NCKAP5: variants seen among roughly 807,000 people sequenced by gnomAD.
The protein encoded by NCKAP5 is NCK associated protein 5.
Under a neutral mutation model 167.0 loss-of-function variants are expected in NCKAP5, and 92 were observed. The observed-to-expected ratio is 0.55, with a 90% CI of 0.47 to 0.66. The LOEUF is 0.66. Among genes scored for constraint, NCKAP5 ranks in the 30% least tolerant of loss-of-function variants. NCKAP5 has a pLI of 0.00. For missense variants in NCKAP5, 2,378 were observed against 2,315.0 expected (o/e 1.03, Z -0.56); for synonymous variants, 891 against 877.4 (o/e 1.02, Z -0.27).
chr2:133,222,127 C>G (rs2150208746), intron 4 of NCKAP5, among the ~76,000 whole-genome samples: 1 of 152,172 alleles, frequency 6.6e-6, no homozygotes, highest in South Asian at 2.1e-4. Flanking sequence ...AAAAGTTAAT[C>G]AAACTTTTTG....
chr2:132,949,177 T>C (rs573848154), intron 8 of NCKAP5, among the ~76,000 whole-genome samples: 1 of 147,024 alleles, frequency 6.8e-6, no homozygotes, highest in East Asian at 2.1e-4. Context: ...TCCAGAAGCC[T>C]AGGAATAAAA....
At chr2:132,844,012 G>A (rs79959559) in intron 11 of NCKAP5, among the ~76,000 whole-genome samples, 4,320 of 151,740 alleles carry the variant, frequency 0.028, 194 homozygotes, top group African/African-American at 0.1. Flanking sequence ...TCCCCTTCCA[G>A]AAATCTCTGG....
chr2:133,409,951 G>C (rs1196604468), intron 3 of NCKAP5, among the ~76,000 whole-genome samples: 1 of 152,128 alleles, frequency 6.6e-6, no homozygotes, highest in African/African-American at 2.4e-5. Context: ...TGTCCTAACA[G>C]AACTAATGAC....
chr2:133,607,788 C>G, the NCKAP5 span, among the ~76,000 whole-genome samples: 1 of 152,156 alleles, frequency 6.6e-6, no homozygotes, highest in African/African-American at 2.4e-5. Flanking sequence ...AAGTATGATT[C>G]AAACCCTGCC....
At chr2:133,398,173 C>T (rs1342639906) in intron 3 of NCKAP5, among the ~76,000 whole-genome samples, 1 of 151,992 alleles carries the variant, frequency 6.6e-6, no homozygotes, top group Non-Finnish European at 1.5e-5. Context: ...GTCTTCTTCA[C>T]TCATATCACA....
intron 5 of NCKAP5, among the ~76,000 whole-genome samples, chr2:133,188,974 C>CA (rs2085080901): frequency 6.6e-6 from 1 of 151,782 alleles, no homozygotes. Context: ...AAAAACTCTT[C>CA]AAAAAATCAA....
chr2:133,489,676 G>A (rs533781474), intron 3 of NCKAP5, among the ~76,000 whole-genome samples: 9 of 152,206 alleles, frequency 5.9e-5, no homozygotes, highest in South Asian at 2.1e-4. Context: ...CTAAATCTTC[G>A]TGCAATAAAA....
At chr2:133,525,310 A>G (rs934688857) in intron 2 of NCKAP5, among the ~76,000 whole-genome samples, 2 of 152,224 alleles carry the variant, frequency 1.3e-5, no homozygotes, top group African/African-American at 4.8e-5. Context: ...TCCTACATTC[A>G]TGCTCACTAA....
intron 2 of NCKAP5, among the ~76,000 whole-genome samples, chr2:133,548,709 A>G (rs1233439757): frequency 6.6e-6 from 1 of 152,174 alleles, no homozygotes; most frequent in East Asian, 1.9e-4. Flanking sequence ...GGCCTGCCCT[A>G]AAAGAGCTCC....
At chr2:132,753,711 G>T (rs1680300721) in intron 16 of NCKAP5, among the ~76,000 whole-genome samples, 1 of 152,206 alleles carries the variant, frequency 6.6e-6, no homozygotes, top group Non-Finnish European at 1.5e-5. Context: ...TTCAAGGGGG[G>T]ACTTCAGCAG....
At chr2:133,547,603 C>G (rs1022107991) in intron 2 of NCKAP5, among the ~76,000 whole-genome samples, 36 of 151,578 alleles carry the variant, frequency 2.4e-4, no homozygotes, top group African/African-American at 7.7e-4. Flanking sequence ...GGGAGGCACC[C>G]CCCAGCAGGG....
At chr2:133,652,032 T>C in the NCKAP5 span, among the ~76,000 whole-genome samples, 2 of 152,264 alleles carry the variant, frequency 1.3e-5, no homozygotes, top group South Asian at 2.1e-4. Flanking sequence ...TGGGAGAGCA[T>C]GGCCTGAAGG....
chr2:133,494,749 T>C (rs543527767), intron 3 of NCKAP5, among the ~76,000 whole-genome samples: 2 of 152,294 alleles, frequency 1.3e-5, no homozygotes, highest in East Asian at 1.9e-4. Context: ...CCAGCCTAGC[T>C]CTGGTATAGC....
At chr2:132,718,261 T>C (rs765441248) in intron 19 of NCKAP5, among the ~76,000 whole-genome samples, 1 of 152,218 alleles carries the variant, frequency 6.6e-6, no homozygotes, top group African/African-American at 2.4e-5. Context: ...TCTTTCCCAA[T>C]CTTCTATCCT....
At chr2:132,680,543 AG>A (rs1245341240) in intron 19 of NCKAP5, among the ~76,000 whole-genome samples, 1 of 152,182 alleles carries the variant, frequency 6.6e-6, no homozygotes, top group Non-Finnish European at 1.5e-5. Context: ...TGGGAAGCTT[AG>A]GGTTGTTAGA....
the NCKAP5 span, among the ~76,000 whole-genome samples, chr2:133,606,250 T>C: frequency 0.023 from 3,522 of 152,284 alleles, 135 homozygotes; most frequent in African/African-American, 0.081. Context: ...AAATATCCCA[T>C]ATTATAATAT....
At chr2:133,476,482 G>T in intron 3 of NCKAP5, among the ~76,000 whole-genome samples, 1 of 152,194 alleles carries the variant, frequency 6.6e-6, no homozygotes, top group East Asian at 1.9e-4. Flanking sequence ...TCTGCTGACA[G>T]CATTCTTCAG....
chr2:133,130,779 C>G (rs917913508), intron 5 of NCKAP5, among the ~76,000 whole-genome samples: 1 of 152,206 alleles, frequency 6.6e-6, no homozygotes, highest in Non-Finnish European at 1.5e-5. Flanking sequence ...GTAAAAAGCA[C>G]ACAGCTCAGA....
chr2:132,767,350 G>A (rs970454194), intron 16 of NCKAP5, among the ~76,000 whole-genome samples: 1 of 151,972 alleles, frequency 6.6e-6, no homozygotes, highest in East Asian at 1.9e-4. Flanking sequence ...AGATTCAAGC[G>A]ACTCTCCTGC....
Sources: allele counts gnomAD v4.1 joint callset (sites outside exome capture counted in the v4.1 genomes callset), GRCh38; gene constraint gnomAD v4.1.1; transcripts MANE v1.5; gene names NCBI Gene and HGNC (gene_info 2026-07-23, HGNC 2026-07-21).